PTPRD: variants seen among roughly 807,000 people sequenced by gnomAD.
PTPRD encodes the protein receptor-type tyrosine-protein phosphatase delta.
In PTPRD, 34 loss-of-function variants were observed where a neutral mutation model predicts 214.5. The observed-to-expected ratio is 0.16, with a 90% confidence interval of 0.12 to 0.21. PTPRD has a LOEUF of 0.21. PTPRD is among the 10% of genes least tolerant of loss of function. The pLI is 1.00. For synonymous variants in PTPRD, 1,128 were observed against 845.7 expected (o/e 1.33, Z -5.79); for missense variants, 2,545 against 2,398.7 (o/e 1.06, Z -1.27).
intron 10 of PTPRD, among the ~76,000 whole-genome samples, chr9:9,116,901 C>T (rs1366198816): frequency 6.6e-6 from 1 of 152,154 alleles, no homozygotes; most frequent in Non-Finnish European, 1.5e-5. Flanking sequence ...TGTTTTCTCA[C>T]TATTGGCTTT....
intron 11 of PTPRD, among the ~76,000 whole-genome samples, chr9:8,762,458 C>A (rs62528804): frequency 0.11 from 16,388 of 152,022 alleles, 984 homozygotes; most frequent in Non-Finnish European, 0.13. Flanking sequence ...GAGAATAAAT[C>A]TTTTATTATT....
intron 2 of PTPRD, among the ~76,000 whole-genome samples, chr9:10,348,127 T>C (rs2097121597): frequency 6.6e-6 from 1 of 152,190 alleles, no homozygotes; most frequent in Admixed American, 6.5e-5. Context: ...CACTAAATCT[T>C]ATTTTATGTC....
chr9:9,377,893 G>A (rs1234171788), intron 9 of PTPRD, among the ~76,000 whole-genome samples: 1 of 151,678 alleles, frequency 6.6e-6, no homozygotes, highest in African/African-American at 2.4e-5. Context: ...GAAGATTTTT[G>A]TTTTGTTGTT....
rs570204965 is a variant in PTPRD at position 10,208,289 on chromosome 9, C to T, written c.-545+132674G>A. ...CAGCACTTTGGGTGGCCGAGGAGGG[C>T]GGATCACGAGGTCAGGAGATCGACG... On this transcript the variant is annotated intron_variant, in intron 3 of 45. Coordinates refer to ENST00000381196, the MANE Select transcript of PTPRD (RefSeq NM_002839.4). 4.2e-3 allele frequency among the ~76,000 whole-genome samples: 644 copies of T among 152,200 alleles called. 2 individuals are homozygous for T. Among genetic ancestry groups the T allele is most frequent in the African/African-American group, 0.013 (531 of 41,508 alleles).
At chr9:9,638,962 G>A (rs1157035244) in intron 7 of PTPRD, among the ~76,000 whole-genome samples, 1 of 152,044 alleles carries the variant, frequency 6.6e-6, no homozygotes, top group Non-Finnish European at 1.5e-5. Flanking sequence ...CTTTCATAAT[G>A]GCACAAACCC....
chr9:9,788,524 C>T (rs1015329426), intron 5 of PTPRD, among the ~76,000 whole-genome samples: 23 of 145,738 alleles, frequency 1.6e-4, no homozygotes, highest in Non-Finnish European at 2.7e-4. Flanking sequence ...GGCACTCCAG[C>T]CTGGGCAACA....
intron 5 of PTPRD, among the ~76,000 whole-genome samples, chr9:9,923,528 T>C (rs1187517677): frequency 6.6e-6 from 1 of 151,780 alleles, no homozygotes; most frequent in Non-Finnish European, 1.5e-5. Flanking sequence ...CACACAAAGG[T>C]ATATCAAGAA....
chr9:8,335,861 G>T (rs1234693723), intron 43 of PTPRD, among the ~76,000 whole-genome samples: 1 of 152,146 alleles, frequency 6.6e-6, no homozygotes, highest in Non-Finnish European at 1.5e-5. Flanking sequence ...CAAATCATGA[G>T]TGAACTCCCA....
intron 2 of PTPRD, among the ~76,000 whole-genome samples, chr9:10,443,572 T>C (rs535351143): frequency 6.6e-6 from 1 of 151,828 alleles, no homozygotes; most frequent in South Asian, 2.1e-4. Flanking sequence ...TCAGTAGATA[T>C]CCATTTATAC....
intron 42 of PTPRD, among the ~76,000 whole-genome samples, chr9:8,339,845 C>A (rs7025495): frequency 0.59 from 84,577 of 144,104 alleles, 24,492 homozygotes; most frequent in Non-Finnish European, 0.65. Context: ...CAAAAAAAAA[C>A]AAACCACTTT....
At chr9:10,093,385 C>G (rs2098451739) in intron 3 of PTPRD, among the ~76,000 whole-genome samples, 1 of 151,444 alleles carries the variant, frequency 6.6e-6, no homozygotes, top group Non-Finnish European at 1.5e-5. Flanking sequence ...AAATCAAACT[C>G]ACAATGCGAC....
chr9:9,771,210 T>C (rs1220989569), intron 5 of PTPRD, among the ~76,000 whole-genome samples: 2 of 152,178 alleles, frequency 1.3e-5, no homozygotes, highest in African/African-American at 2.4e-5. Flanking sequence ...ACATAATATA[T>C]CTATATAATT....
At chr9:10,125,375 CGTTTT>C (rs1326259517) in intron 3 of PTPRD, among the ~76,000 whole-genome samples, 2 of 146,770 alleles carry the variant, frequency 1.4e-5, no homozygotes, top group Non-Finnish European at 1.5e-5. Context: ...TTTTTCTTTT[CGTTTT>C]TATCTTCTTT....
At chr9:8,787,350 C>T (rs558435702) in intron 11 of PTPRD, among the ~76,000 whole-genome samples, 2 of 152,280 alleles carry the variant, frequency 1.3e-5, no homozygotes, top group African/African-American at 4.8e-5. Flanking sequence ...ATTATTATTT[C>T]TCTAATATTA....
In PTPRD at chr9:9,637,579, T is replaced by A. The variant is rs530159633; in HGVS notation, c.-286-62798A>T. Among the ~76,000 whole-genome samples, 288 of 152,318 alleles carry A rather than the reference T, an allele frequency of 1.9e-3. 8 individuals are homozygous for A. Among genetic ancestry groups the A allele is most frequent in the Middle Eastern group, 6.8e-3 (2 of 294 alleles). ...GGTGGATGTGGTTCCCCTAATGCCT[T>A]GGGCAGCTCCCCGCATATGGCTTTT... On this transcript the variant is annotated intron_variant, in intron 7 of 45. Transcript: ENST00000381196.
chr9:10,261,819 A>T (rs959544530), intron 3 of PTPRD, among the ~76,000 whole-genome samples: 1 of 152,112 alleles, frequency 6.6e-6, no homozygotes, highest in Non-Finnish European at 1.5e-5. Flanking sequence ...AGAAAACTGA[A>T]TTTTTTCTAT....
chr9:8,694,364 T>C (rs1390908137), intron 12 of PTPRD, among the ~76,000 whole-genome samples: 1 of 152,154 alleles, frequency 6.6e-6, no homozygotes, highest in East Asian at 1.9e-4. Flanking sequence ...GAGAAGCCTC[T>C]AACCCCAAAA....
intron 7 of PTPRD, among the ~76,000 whole-genome samples, chr9:9,703,016 A>AC (rs1213369544): frequency 6.6e-6 from 1 of 152,118 alleles, no homozygotes; most frequent in Admixed American, 6.5e-5. Flanking sequence ...CTGTGTCCCC[A>AC]CCCAAATCTC....
At chr9:8,339,304 G>C (rs934436159) in intron 42 of PTPRD, among the ~76,000 whole-genome samples, 1 of 152,122 alleles carries the variant, frequency 6.6e-6, no homozygotes, top group Non-Finnish European at 1.5e-5. Context: ...ATATACACGA[G>C]TTGAATTGAG....
Sources: allele counts gnomAD v4.1 joint callset (sites outside exome capture counted in the v4.1 genomes callset), GRCh38; gene constraint gnomAD v4.1.1; transcripts MANE v1.5; gene names NCBI Gene and HGNC (gene_info 2026-07-23, HGNC 2026-07-21).